The following PARD6G variants were observed in gnomAD, a reference collection of about 807,000 sequenced individuals.
PARD6G encodes partitioning defective 6 homolog gamma.
A neutral mutation model predicts 10.7 loss-of-function variants in PARD6G; 7 were observed. That is an observed-to-expected ratio of 0.66 (90% CI 0.37 to 1.23). The LOEUF (loss-of-function observed/expected upper bound fraction) is 1.23, where lower values mean the gene tolerates loss of function less well. Among genes scored for constraint, PARD6G ranks in the 50% most tolerant of loss-of-function variants. PARD6G has a pLI of 0.02. For synonymous variants in PARD6G, 287 were observed against 269.4 expected, an observed-to-expected ratio of 1.07 and a Z score of -0.64; for missense variants, 548 against 571.8, an observed-to-expected ratio of 0.96 and a Z score of 0.42.
intron 2 of PARD6G, among the ~76,000 whole-genome samples, chr18:80,163,289 C>G (rs2052713272): frequency 6.6e-6 from 1 of 152,098 alleles, no homozygotes; most frequent in African/African-American, 2.4e-5. Context: ...GCAGGTGAGG[C>G]CTGAGATGCT....
At chr18:80,220,173 A>C (rs1026175659) in intron 1 of PARD6G, among the ~76,000 whole-genome samples, 2 of 152,188 alleles carry the variant, frequency 1.3e-5, no homozygotes, top group Admixed American at 1.3e-4. Flanking sequence ...TGGCAGCATC[A>C]AGGAGAAGAG....
chr18:80,163,091 T>G (rs1287558328), intron 2 of PARD6G, among the ~76,000 whole-genome samples: 2 of 151,802 alleles, frequency 1.3e-5, no homozygotes, highest in East Asian at 3.9e-4. Flanking sequence ...TCCCAAGGGG[T>G]CTCCTTGGAT....
intron 1 of PARD6G, among the ~76,000 whole-genome samples, chr18:80,204,774 C>T (rs58012596): frequency 0.011 from 1,643 of 151,934 alleles, 24 homozygotes; most frequent in African/African-American, 0.033. Context: ...CATGGTGAAA[C>T]CCCATCTCTA....
chr18:80,178,366 C>T (rs1484243108), intron 2 of PARD6G: 1 of 152,644 alleles, frequency 6.6e-6, no homozygotes, highest in Non-Finnish European at 1.5e-5. Context: ...CTGAGGGGAA[C>T]CCCACTCCTT....
intron 2 of PARD6G, among the ~76,000 whole-genome samples, chr18:80,179,134 A>G (rs963214766): frequency 6.6e-6 from 1 of 151,722 alleles, no homozygotes; most frequent in Admixed American, 6.6e-5. Flanking sequence ...GCTGGTGAGC[A>G]CCAGAAGCCG....
chr18:80,176,952 C>T (rs537615571), intron 2 of PARD6G, among the ~76,000 whole-genome samples: 1 of 150,072 alleles, frequency 6.7e-6, no homozygotes, highest in Non-Finnish European at 1.5e-5. Flanking sequence ...CATGCATGCA[C>T]ACACACACAG....
At chr18:80,241,180 G>C (rs1967485823) in intron 1 of PARD6G, among the ~76,000 whole-genome samples, 2 of 152,156 alleles carry the variant, frequency 1.3e-5, no homozygotes, top group African/African-American at 2.4e-5. Context: ...CGGTGAGCTG[G>C]GAATGTGTGC....
intron 1 of PARD6G, among the ~76,000 whole-genome samples, chr18:80,204,950 TTAA>T (rs570635258): frequency 6.6e-5 from 10 of 151,730 alleles, no homozygotes; most frequent in South Asian, 2.1e-4. Flanking sequence ...AGACTCAGTC[TTAA>T]TAATAATAAT....
At chr18:80,208,767 A>G (rs115910257) in intron 1 of PARD6G, among the ~76,000 whole-genome samples, 2,081 of 152,226 alleles carry the variant, frequency 0.014, 49 homozygotes, top group African/African-American at 0.048. Flanking sequence ...TTTCCTAAAA[A>G]AGATTGCATT....
At chr18:80,165,561 T>TAAAG (rs1555733755) in intron 2 of PARD6G, among the ~76,000 whole-genome samples, 2 of 151,222 alleles carry the variant, frequency 1.3e-5, no homozygotes, top group African/African-American at 4.9e-5. Context: ...GATTAAGAGA[T>TAAAG]TAAAGACAGG....
rs749874004 is a variant in PARD6G, at chr18:80,201,785, TGGG to T, written c.295+922_295+924del. On this transcript the variant is annotated intron_variant, in intron 2 of 2. Transcript: ENST00000353265. The surrounding 1 kb of genome is among the most constrained non-coding windows in gnomAD (Gnocchi z 5.9). ...ACCCTCGTTTTGCAAAGCAGGACGC[TGGG>T]GTGAAGGAGGCGGAGGGCCTCGTCT... 5.9e-5 allele frequency among the ~76,000 whole-genome samples: 9 copies of T among 152,228 alleles called. No individual in the cohort carries two copies. The highest frequency in any genetic ancestry group is 1.3e-4 in the Admixed American group (2 of 15,282).
At position 80,195,425 on chromosome 18, in the gene PARD6G, G is replaced by T. The variant is rs1007633958; in HGVS notation, c.295+7285C>A. Among the ~76,000 whole-genome samples, 6 of 151,486 alleles carry T rather than the reference G, an allele frequency of 4.0e-5. No individual in the cohort carries two copies. The East Asian group carries it at 9.8e-4, about 25-fold the overall frequency. On this transcript the variant is annotated intron_variant, in intron 2 of 2. Transcript: ENST00000353265. ...CCTGGCCCCCCTCGGTGCTATTCCG[G>T]CAGGAAAGCAGCCTCCCCCTGCACC...
At chr18:80,195,548 C>CATATATATATATAT (rs201373415) in intron 2 of PARD6G, among the ~76,000 whole-genome samples, 1,761 of 81,902 alleles carry the variant, frequency 0.022, 97 homozygotes, top group Non-Finnish European at 0.026. Flanking sequence ...TTCAAAGATA[C>CATATATATATATAT]ATATATATAT....
Position 80,160,386 on chromosome 18 carries a change from G to C in PARD6G, c.516C>G (p.Phe172Leu). The C allele has an allele frequency of 6.2e-7, 1 of 1,607,890 alleles. No homozygotes were observed. The highest frequency in any genetic ancestry group is 8.5e-7 in the Non-Finnish European group (1 of 1,178,004). The change falls in exon 3 of 3, where the codon TTC (phenylalanine) becomes TTG (leucine). Residue 172 changes from phenylalanine to leucine, a missense_variant. Physicochemically the swap from Phe to Leu is conservative, Grantham distance 22 (BLOSUM62 0). This residue lies in a region of PARD6G where 235 missense variants were observed against 291.9 expected (regional missense o/e 0.81). Coordinates refer to ENST00000353265, the MANE Select transcript of PARD6G (RefSeq NM_032510.4). ...HRHGCEKPLG[F>L]YIRDGASVRV... is the part of the protein sequence containing the mutation. ...GCACGCTGGCGCCATCGCGGATGTA[G>C]AAGCCCAGCGGCTTCTCGCAGCCGT...
At chr18:80,236,295 T>C (rs965971250) in intron 1 of PARD6G, among the ~76,000 whole-genome samples, 2 of 152,148 alleles carry the variant, frequency 1.3e-5, no homozygotes, top group Admixed American at 6.5e-5. Flanking sequence ...TTGACAAAAT[T>C]CAACAATGCT....
In PARD6G at chr18:80,189,371, G is replaced by A. The variant is rs1332193547; in HGVS notation, c.295+13339C>T. 6.6e-6 allele frequency: 1 copy of A among 152,194 alleles called. No individual in the cohort carries two copies. Among genetic ancestry groups the A allele is most frequent in the Non-Finnish European group, 1.5e-5 (1 of 68,066 alleles). 9.4% of individuals were successfully genotyped at this position (152,194 alleles called of 1,614,324 possible). ...TGGTTCCTTCCTAACTCAACCAAGG[G>A]CCACTGCGCCACCGCAGCTGTGGGA... On this transcript the variant is annotated intron_variant, in intron 2 of 2. Transcript: ENST00000353265. The surrounding 1 kb of genome is among the most constrained non-coding windows in gnomAD (Gnocchi z 5.5).
chr18:80,225,473 A>AGG (rs1967280052), intron 1 of PARD6G, among the ~76,000 whole-genome samples: 1 of 152,114 alleles, frequency 6.6e-6, no homozygotes, highest in Admixed American at 6.6e-5. Flanking sequence ...CCCTTTATAG[A>AGG]GGCAGACAAC....
intron 2 of PARD6G, among the ~76,000 whole-genome samples, chr18:80,179,594 G>T (rs2052837338): frequency 6.6e-6 from 1 of 152,210 alleles, no homozygotes. Flanking sequence ...GCAAAGACTT[G>T]CAGAGCCAAG....
In PARD6G at chr18:80,161,079, C is replaced by T. The variant is rs1408349807; in HGVS notation, c.296-473G>A. On this transcript the variant is annotated intron_variant, in intron 2 of 2. Coordinates refer to ENST00000353265, the MANE Select transcript of PARD6G (RefSeq NM_032510.4). The surrounding 1 kb of genome is among the most constrained non-coding windows in gnomAD (Gnocchi z 4.6). ...CTTTCCTGCTTTCTTCTTTTCTATG[C>T]GCAAGCCCCACCACAGTGTCTTCTA... is the stretch of plus-strand genomic sequence containing the variant. 6.6e-6 allele frequency among the ~76,000 whole-genome samples: 1 copy of T among 152,168 alleles called. No homozygotes were observed. Among genetic ancestry groups the T allele is most frequent in the African/African-American group, 2.4e-5 (1 of 41,440 alleles).
Sources: allele counts gnomAD v4.1 joint callset (sites outside exome capture counted in the v4.1 genomes callset), GRCh38; gene constraint gnomAD v4.1.1; regional missense constraint gnomAD v4.1.1; non-coding constraint Gnocchi (gnomAD v3.1); transcripts MANE v1.5; gene names NCBI Gene and HGNC (gene_info 2026-07-23, HGNC 2026-07-21).